The following DDX50 variants were observed in gnomAD, a reference collection of about 807,000 sequenced individuals.
DDX50 encodes ATP-dependent RNA helicase DDX50.
DDX50 carries 56 observed loss-of-function variants against 94.8 expected under a neutral mutation model. The ratio of observed to expected loss-of-function variants is 0.59; its 90% CI spans 0.48 to 0.74. The LOEUF (loss-of-function observed/expected upper bound fraction) is 0.74. Ranked by LOEUF, DDX50 falls within the 30% of genes least tolerant of loss-of-function variation. The pLI is 0.00. For synonymous variants in DDX50, 264 were observed against 295.4 expected (o/e 0.89, Z 1.09); for missense variants, 713 against 881.2 (o/e 0.81, Z 2.42).
intron 8 of DDX50, among the ~76,000 whole-genome samples, chr10:68,929,251 CCCTTCCTTCCTTCCTT>C (rs748750747): frequency 8.5e-6 from 1 of 117,902 alleles, no homozygotes; most frequent in Non-Finnish European, 1.8e-5. Flanking sequence ...CCAGCCTGGT[CCCTTCCTTCCTTCCTT>C]CCTTCCTTCC....
chr10:68,904,887 C>T (rs1841396244), intron 1 of DDX50, among the ~76,000 whole-genome samples: 1 of 152,174 alleles, frequency 6.6e-6, no homozygotes, highest in African/African-American at 2.4e-5. Context: ...GTTCAATTCT[C>T]ACAGCAATTC....
chr10:68,919,799 A>G (rs772232150), intron 7 of DDX50, 33 bp from the exon 8 acceptor site: 1 of 1,598,918 alleles, frequency 6.3e-7, no homozygotes, highest in Non-Finnish European at 8.5e-7. Context: ...AATTTTAATG[A>G]AACAAATAAT....
At chr10:68,932,491 T>C (rs1012764309) in intron 8 of DDX50, among the ~76,000 whole-genome samples, 8 of 152,030 alleles carry the variant, frequency 5.3e-5, no homozygotes, top group African/African-American at 1.9e-4. Flanking sequence ...AACTCCTGAC[T>C]TCAAGTGATC....
intron 7 of DDX50, among the ~76,000 whole-genome samples, chr10:68,917,404 A>G (rs1435743197): frequency 2.0e-5 from 3 of 152,196 alleles, no homozygotes; most frequent in African/African-American, 7.2e-5. Flanking sequence ...GGTTGCAGTG[A>G]GCTGAGATCG....
At chr10:68,911,439 A>C (rs746966936) in intron 4 of DDX50, among the ~76,000 whole-genome samples, 193 bp downstream of exon 4, 2 of 152,212 alleles carry the variant, frequency 1.3e-5, no homozygotes, top group Non-Finnish European at 2.9e-5. Context: ...TATGAATGTG[A>C]TGTGTATGGA....
At chr10:68,915,522 C>G (rs1841761476) in intron 7 of DDX50, among the ~76,000 whole-genome samples, 1 of 152,046 alleles carries the variant, frequency 6.6e-6, no homozygotes, top group Non-Finnish European at 1.5e-5. Context: ...TCGAGACCAT[C>G]CTGGCCAACA....
At chr10:68,912,742 A>G (rs1026469853) in intron 4 of DDX50, among the ~76,000 whole-genome samples, 4 of 152,236 alleles carry the variant, frequency 2.6e-5, no homozygotes, top group Admixed American at 6.5e-5. Flanking sequence ...TTCGTTTAAC[A>G]TTTTTGAGTT....
At chr10:68,936,804 G>A (rs1842432663) in intron 11 of DDX50, 132 bp from the exon 12 acceptor site, 4 of 839,190 alleles carry the variant, frequency 4.8e-6, no homozygotes, top group East Asian at 2.9e-5. Context: ...TCGTGCCAGT[G>A]CGCTCCAGAC....
intron 8 of DDX50, 146 bp downstream of exon 8, chr10:68,920,127 C>A: frequency 1.1e-6 from 1 of 931,514 alleles, no homozygotes; most frequent in Non-Finnish European, 1.6e-6. Flanking sequence ...CACCTGTAAT[C>A]CTGTGACCTG....
chr10:68,902,326 C>CT (rs748139779), intron 1 of DDX50, among the ~76,000 whole-genome samples: 1 of 151,902 alleles, frequency 6.6e-6, no homozygotes, highest in Non-Finnish European at 1.5e-5. Context: ...GCTGAAGAGG[C>CT]TAAGGTGGCA....
At chr10:68,924,985 C>T (rs537245376) in intron 8 of DDX50, among the ~76,000 whole-genome samples, 133 of 151,856 alleles carry the variant, frequency 8.8e-4, no homozygotes, top group Non-Finnish European at 1.5e-3. Context: ...GGTAGCTTTT[C>T]AGTATGCTTT....
chr10:68,930,855 A>G (rs78810439), intron 8 of DDX50, among the ~76,000 whole-genome samples: 207 of 152,118 alleles, frequency 1.4e-3, no homozygotes, highest in African/African-American at 4.8e-3. Context: ...ATATCCTTAC[A>G]TAGCCCAGGC....
At chr10:68,937,583 A>AG (rs1358817494) in intron 12 of DDX50, among the ~76,000 whole-genome samples, 1 of 117,496 alleles carries the variant, frequency 8.5e-6, no homozygotes, top group African/African-American at 3.2e-5. Context: ...TAACTTTATA[A>AG]GTTTTTTTTT....
chr10:68,908,399 C>T (rs189421039), intron 2 of DDX50, among the ~76,000 whole-genome samples: 1,389 of 136,780 alleles, frequency 0.01, 11 homozygotes, highest in Non-Finnish European at 0.014. Flanking sequence ...TGCAGTGAGC[C>T]GAGATTGCAC....
At chr10:68,909,816 C>T (rs922872896) in intron 2 of DDX50, among the ~76,000 whole-genome samples, 14 of 152,166 alleles carry the variant, frequency 9.2e-5, no homozygotes, top group African/African-American at 3.1e-4. Flanking sequence ...GCATGCGCCA[C>T]CATGCCTGGC....
At chr10:68,932,882 A>G (rs1842307417) in intron 8 of DDX50, among the ~76,000 whole-genome samples, 1 of 152,184 alleles carries the variant, frequency 6.6e-6, no homozygotes, top group African/African-American at 2.4e-5. Context: ...AATAAAAGGT[A>G]CACAACTTTT....
In DDX50 at chr10:68,945,844, C is replaced by G. The variant is rs563336072; in HGVS notation, c.1936-508C>G. 5.3e-5 allele frequency among the ~76,000 whole-genome samples: 8 copies of G among 152,258 alleles called. No homozygotes were observed. The East Asian group carries it at 1.5e-3, about 29-fold the overall frequency. On this transcript the variant is annotated intron_variant, in intron 14 of 14. Coordinates refer to ENST00000373585, the MANE Select transcript of DDX50 (RefSeq NM_024045.2). ...CAGTATACCTGCTGAAAACAACGCA[C>G]TACTTATTAATGGCCTGTCTGCTTT...
At position 68,934,491 on chromosome 10, in the gene DDX50, C is replaced by A; in HGVS notation, c.1401+131C>A. ...CTCTTAGCCATTTTTTGTTAGTGTGCTATTAAATTTATCAGATTCTGATAC... is the reference window on the plus strand; with the variant it reads ...CTCTTAGCCATTTTTTGTTAGTGTGATATTAAATTTATCAGATTCTGATAC... On this transcript the variant is annotated intron_variant, in intron 9 of 14. Coordinates refer to ENST00000373585, the MANE Select transcript of DDX50 (RefSeq NM_024045.2). The surrounding 1 kb of genome is among the most constrained non-coding windows in gnomAD (Gnocchi z 4.0). 1 of 1,261,230 alleles carries A rather than the reference C, an allele frequency of 7.9e-7. No homozygotes were observed. Among genetic ancestry groups the A allele is most frequent in the Non-Finnish European group, 1.1e-6 (1 of 912,560 alleles). The allele number at this position is 1,261,230 out of a possible 1,614,324, so 78.1% of individuals were successfully genotyped here. A position where few individuals can be genotyped will look rare whatever the true frequency, so the allele number is the denominator to read the frequency against.
At chr10:68,921,006 G>T (rs1242016677) in intron 8 of DDX50, among the ~76,000 whole-genome samples, 1 of 150,536 alleles carries the variant, frequency 6.6e-6, no homozygotes, top group African/African-American at 2.4e-5. Context: ...TGTCAAACAT[G>T]GACAAAAGTT....
Sources: allele counts gnomAD v4.1 joint callset (sites outside exome capture counted in the v4.1 genomes callset), GRCh38; gene constraint gnomAD v4.1.1; non-coding constraint Gnocchi (gnomAD v3.1); transcripts MANE v1.5; gene names NCBI Gene and HGNC (gene_info 2026-07-23, HGNC 2026-07-21).